Variants in BCL11A observed in about 807,000 individuals in gnomAD.
BCL11A encodes B cell CLL/lymphoma 11A.
A neutral mutation model predicts 55.9 loss-of-function variants in BCL11A; 2 were observed. That is an observed-to-expected ratio of 0.04 (90% CI 0.01 to 0.11). BCL11A has a LOEUF of 0.11. Ranked by LOEUF, BCL11A falls within the 10% of genes least tolerant of loss-of-function variation. The probability of loss-of-function intolerance (pLI) is 1.00; values close to 1 mark genes in which losing one functional copy is unlikely to be tolerated. For missense variants in BCL11A, 817 were observed against 1,137.1 expected (o/e 0.72, Z 4.05); for synonymous variants, 465 against 473.4 (o/e 0.98, Z 0.23).
Position 60,459,693 on chromosome 2 carries a change from A to G in BCL11A, c.*711T>C. On this transcript the variant is annotated 3_prime_UTR_variant, in exon 4 of 4. Transcript: ENST00000642384. ...AGATCCAAGGCACTCATATTTTAAA[A>G]CCAAATGATAGAATAAACTTGTTCT... 1.9e-6 allele frequency: 2 copies of G among 1,035,818 alleles called. No individual in the cohort carries two copies. The highest frequency in any genetic ancestry group is 1.2e-6 in the Non-Finnish European group (1 of 860,306). 64.2% of individuals were successfully genotyped at this position (1,035,818 alleles called of 1,614,324 possible). A position where few individuals can be genotyped will look rare whatever the true frequency, so the allele number is the denominator to read the frequency against.
Position 60,518,887 on chromosome 2 carries a change from C to T in BCL11A, c.385+27084G>A, listed in dbSNP as rs376433003. Among the ~76,000 whole-genome samples, 9 of 152,302 alleles carry T rather than the reference C, an allele frequency of 5.9e-5. No homozygotes were observed. In the East Asian group the frequency reaches 9.7e-4, roughly 16 times the overall value. On this transcript the variant is annotated intron_variant, in intron 2 of 3. Transcript: ENST00000642384. ...CAAGAGGCAGTCGTTCACCACCAGC[C>T]GTATTTCCTGGGGCTGCTTGTTACT... is the stretch of plus-strand genomic sequence containing the variant.
intron 2 of BCL11A, among the ~76,000 whole-genome samples, chr2:60,477,600 TAAATAAAG>T (rs1222731863): frequency 4.0e-5 from 6 of 150,668 alleles, no homozygotes; most frequent in South Asian, 2.1e-4. Flanking sequence ...TAGAGTAAAA[TAAATAAAG>T]AAAGAAAGAA....
intron 2 of BCL11A, among the ~76,000 whole-genome samples, chr2:60,538,983 G>A (rs972686944): frequency 1.3e-4 from 20 of 152,288 alleles, no homozygotes; most frequent in Middle Eastern, 3.4e-3. Context: ...TTCTGGTGGT[G>A]AATTGGGAGG....
intron 3 of BCL11A, among the ~76,000 whole-genome samples, chr2:60,467,288 A>G (rs1330269130): frequency 3.0e-3 from 82 of 27,616 alleles, no homozygotes; most frequent in Middle Eastern, 0.029. Context: ...GGTGGTAGTG[A>G]TGGTGGTGGT....
intron 2 of BCL11A, among the ~76,000 whole-genome samples, chr2:60,499,183 C>T (rs370621939): frequency 2.3e-4 from 35 of 152,310 alleles, no homozygotes; most frequent in African/African-American, 8.4e-4. Context: ...AGCTGGAGAA[C>T]AGTATCTGGC....
chr2:60,551,747 C>T (rs1670421231), intron 1 of BCL11A, among the ~76,000 whole-genome samples: 1 of 150,984 alleles, frequency 6.6e-6, no homozygotes, highest in Admixed American at 6.6e-5. Context: ...GGAGACACTG[C>T]GTGGCCTGCC....
At chr2:60,524,053 G>A (rs1669101505) in intron 2 of BCL11A, among the ~76,000 whole-genome samples, 1 of 152,162 alleles carries the variant, frequency 6.6e-6, no homozygotes, top group African/African-American at 2.4e-5. Context: ...CGGACCACAG[G>A]AACTAGTGTG....
At chr2:60,489,512 G>C (rs1678495312) in intron 2 of BCL11A, among the ~76,000 whole-genome samples, 1 of 152,204 alleles carries the variant, frequency 6.6e-6, no homozygotes, top group Non-Finnish European at 1.5e-5. Flanking sequence ...GCCACACTGT[G>C]TGCCAAGTGA....
At chr2:60,521,159 C>G (rs1451677301) in intron 2 of BCL11A, among the ~76,000 whole-genome samples, 4 of 151,902 alleles carry the variant, frequency 2.6e-5, no homozygotes. Context: ...GGTTACATTT[C>G]TACAACAGCT....
chr2:60,470,923 A>T (rs977736498), intron 2 of BCL11A, among the ~76,000 whole-genome samples: 1 of 152,228 alleles, frequency 6.6e-6, no homozygotes, highest in Admixed American at 6.5e-5. Flanking sequence ...GCCCATGGCT[A>T]CACTGATGAT....
At chr2:60,499,911 A>C (rs1308621263) in intron 2 of BCL11A, 1 of 152,406 alleles carries the variant, frequency 6.6e-6, no homozygotes, top group African/African-American at 2.4e-5. Flanking sequence ...AAGCAGGACT[A>C]AGATTCGGAG....
At chr2:60,482,210 C>G (rs912144917) in intron 2 of BCL11A, among the ~76,000 whole-genome samples, 1 of 151,250 alleles carries the variant, frequency 6.6e-6, no homozygotes, top group Admixed American at 6.6e-5. Context: ...GTTTTTTGTT[C>G]GGGTTGTGGT....
rs146001589 is a variant in BCL11A at position 60,512,796 on chromosome 2, C to G, written c.385+33175G>C. 8.0e-3 allele frequency among the ~76,000 whole-genome samples: 1,213 copies of G among 152,288 alleles called. 17 individuals carry two copies. The highest frequency in any genetic ancestry group is 0.028 in the African/African-American group (1,158 of 41,548). ...GACAGTTTATTCTCTTTTAGTGTCT[C>G]AAGTATGAGTCACCTCTGATGACGG... On this transcript the variant is annotated intron_variant, in intron 2 of 3. Coordinates refer to ENST00000642384, the MANE Select transcript of BCL11A (RefSeq NM_022893.4).
At chr2:60,452,463 G>C (rs1057444232), downstream of BCL11A, 4 of 877,838 alleles carry the variant, frequency 4.6e-6, no homozygotes, top group African/African-American at 1.7e-5. Flanking sequence ...TTCGCACAAC[G>C]GCTTCTTGGA....
intron 2 of BCL11A, chr2:60,484,029 C>A (rs148111783): frequency 1.3e-5 from 2 of 152,290 alleles, no homozygotes; most frequent in East Asian, 3.9e-4. Context: ...TGTCGAACAG[C>A]TTTACTCTAA....
In BCL11A at chr2:60,459,714, G is replaced by C. The variant is rs950949738; in HGVS notation, c.*690C>G. ...TAAAACCAAATGATAGAATAAACTT[G>C]TTCTGTTTTTCTGTTAATTTGTCAA... On this transcript the variant is annotated 3_prime_UTR_variant, in exon 4 of 4. Coordinates refer to ENST00000642384, the MANE Select transcript of BCL11A (RefSeq NM_022893.4). The C allele has an allele frequency of 2.3e-5, 24 of 1,037,250 alleles. No individual in the cohort carries two copies. The African/African-American group carries it at 4.0e-4, about 17-fold the overall frequency. 64.3% of individuals were successfully genotyped at this position (1,037,250 alleles called of 1,614,324 possible). A position where few individuals can be genotyped will look rare whatever the true frequency, so the allele number is the denominator to read the frequency against.
At chr2:60,464,749 T>A (rs1005256966) in intron 3 of BCL11A, among the ~76,000 whole-genome samples, 2 of 152,202 alleles carry the variant, frequency 1.3e-5, no homozygotes, top group Admixed American at 6.5e-5. Context: ...AAGGCTTAAA[T>A]GAGAAAAGTC....
intron 2 of BCL11A, among the ~76,000 whole-genome samples, chr2:60,494,784 C>T (rs1678850706): frequency 1.3e-5 from 2 of 152,328 alleles, no homozygotes; most frequent in East Asian, 1.9e-4. Flanking sequence ...AACTAAAATG[C>T]TGCCTCCTGG....
chr2:60,537,541 G>A (rs144685083), intron 2 of BCL11A: 190 of 152,328 alleles, frequency 1.2e-3, no homozygotes, highest in African/African-American at 4.5e-3. Flanking sequence ...GTTTGAGGAG[G>A]TGCAGGGATT....
Sources: gnomAD v4.1 joint callset for allele counts (sites outside exome capture counted in the v4.1 genomes callset) on GRCh38, gnomAD v4.1.1 for gene constraint, MANE v1.5 for transcripts, NCBI Gene and HGNC (gene_info 2026-07-23, HGNC 2026-07-21) for gene names.